The following CSMD1 variants were observed in gnomAD, a reference collection of about 807,000 sequenced individuals.
The protein encoded by CSMD1 is CUB and sushi domain-containing protein 1.
CSMD1 carries 213 observed loss-of-function variants against 417.5 expected under a neutral mutation model. The ratio of observed to expected loss-of-function variants is 0.51; its 90% CI spans 0.46 to 0.57. CSMD1 has a LOEUF of 0.57. Ranked by LOEUF, CSMD1 falls within the 20% of genes least tolerant of loss-of-function variation. The pLI is 0.00. For synonymous variants in CSMD1, 2,862 were observed against 1,736.8 expected (o/e 1.65, Z -16.11); for missense variants, 6,923 against 4,529.7 (o/e 1.53, Z -15.17).
At chr8:4,437,249 T>A (rs778317420) in intron 2 of CSMD1, among the ~76,000 whole-genome samples, 1 of 152,196 alleles carries the variant, frequency 6.6e-6, no homozygotes, top group Non-Finnish European at 1.5e-5. Context: ...GTTCTGAAAT[T>A]AGGCAGTAGA....
At chr8:4,026,770 T>A (rs999649076) in intron 4 of CSMD1, among the ~76,000 whole-genome samples, 1 of 152,188 alleles carries the variant, frequency 6.6e-6, no homozygotes, top group Non-Finnish European at 1.5e-5. Flanking sequence ...ATAACTAAAA[T>A]TTAGATTTAA....
At chr8:4,317,537 T>C (rs1292982041) in intron 3 of CSMD1, among the ~76,000 whole-genome samples, 1 of 152,178 alleles carries the variant, frequency 6.6e-6, no homozygotes, top group Non-Finnish European at 1.5e-5. Context: ...TGTTTCTTCA[T>C]TTTCCAGAGA....
chr8:4,194,381 G>C (rs561160394), intron 3 of CSMD1, among the ~76,000 whole-genome samples: 1 of 152,192 alleles, frequency 6.6e-6, no homozygotes, highest in African/African-American at 2.4e-5. Flanking sequence ...GCTCACATTG[G>C]CATCAGTCAT....
intron 5 of CSMD1, among the ~76,000 whole-genome samples, chr8:3,904,394 T>C (rs1487532787): frequency 6.6e-6 from 1 of 152,150 alleles, no homozygotes; most frequent in Non-Finnish European, 1.5e-5. Flanking sequence ...AACCTCTTTA[T>C]TGCAATGGAC....
At chr8:4,443,523 G>C (rs760195539) in intron 2 of CSMD1, among the ~76,000 whole-genome samples, 25 of 151,556 alleles carry the variant, frequency 1.6e-4, no homozygotes, top group Admixed American at 7.9e-4. Context: ...CCAGAATACA[G>C]TATAGAATTT....
intron 10 of CSMD1, among the ~76,000 whole-genome samples, chr8:3,518,879 T>A (rs1309065330): frequency 6.6e-6 from 1 of 152,176 alleles, no homozygotes. Context: ...CAGTCCTATT[T>A]ACAGTGAGTC....
intron 23 of CSMD1, among the ~76,000 whole-genome samples, chr8:3,339,853 T>C (rs1807526564): frequency 6.6e-6 from 1 of 152,186 alleles, no homozygotes; most frequent in South Asian, 2.1e-4. Context: ...CCATTGGACA[T>C]CATTATACAC....
intron 4 of CSMD1, among the ~76,000 whole-genome samples, chr8:4,016,979 C>T (rs1025390504): frequency 2.0e-5 from 3 of 152,046 alleles, no homozygotes; most frequent in African/African-American, 7.2e-5. Context: ...TGTCTAAAAC[C>T]CTGAAATCAC....
chr8:4,939,925 G>A (rs72624085), intron 1 of CSMD1, among the ~76,000 whole-genome samples: 1 of 151,848 alleles, frequency 6.6e-6, no homozygotes, highest in Non-Finnish European at 1.5e-5. Flanking sequence ...ATACAATTTT[G>A]ATTTGTCAAT....
chr8:4,326,217 C>A (rs1585237222), intron 3 of CSMD1, among the ~76,000 whole-genome samples: 1 of 152,150 alleles, frequency 6.6e-6, no homozygotes. Flanking sequence ...TTTGGGAACA[C>A]TGCTTTGAAA....
intron 5 of CSMD1, among the ~76,000 whole-genome samples, chr8:3,776,194 A>G (rs1301332257): frequency 6.6e-6 from 1 of 152,126 alleles, no homozygotes; most frequent in Non-Finnish European, 1.5e-5. Flanking sequence ...ATGTCTGACC[A>G]TCTCAGCACC....
At chr8:3,175,364 G>C (rs1820845274) in intron 37 of CSMD1, among the ~76,000 whole-genome samples, 1 of 152,044 alleles carries the variant, frequency 6.6e-6, no homozygotes, top group Non-Finnish European at 1.5e-5. Flanking sequence ...AGAATATATT[G>C]TAAATGTGAT....
chr8:4,801,017 A>G (rs551980747), intron 1 of CSMD1, among the ~76,000 whole-genome samples: 5 of 152,346 alleles, frequency 3.3e-5, no homozygotes, highest in African/African-American at 1.2e-4. Context: ...TGATGTCTTC[A>G]ATATCTTGGA....
At chr8:3,577,401 T>C (rs1283299011) in intron 9 of CSMD1, among the ~76,000 whole-genome samples, 1 of 152,088 alleles carries the variant, frequency 6.6e-6, no homozygotes, top group African/African-American at 2.4e-5. Flanking sequence ...AATTAACCCA[T>C]GTTTCTTTTT....
At chr8:3,185,639 G>C (rs369429877) in intron 36 of CSMD1, among the ~76,000 whole-genome samples, 69 of 152,308 alleles carry the variant, frequency 4.5e-4, no homozygotes, top group African/African-American at 1.6e-3. Context: ...TCGAGGGAAG[G>C]CTTAATATGA....
At chr8:4,810,126 G>C (rs1376768683) in intron 1 of CSMD1, among the ~76,000 whole-genome samples, 1 of 152,108 alleles carries the variant, frequency 6.6e-6, no homozygotes, top group African/African-American at 2.4e-5. Context: ...CTTAGTTAAG[G>C]ATTTAAGCCT....
chr8:4,670,678 T>A (rs941555207), intron 1 of CSMD1, among the ~76,000 whole-genome samples: 2 of 152,256 alleles, frequency 1.3e-5, no homozygotes, highest in South Asian at 4.1e-4. Flanking sequence ...AATATTACTA[T>A]GATAGGTTTG....
At chr8:4,322,515 G>C (rs1799327768) in intron 3 of CSMD1, among the ~76,000 whole-genome samples, 1 of 152,100 alleles carries the variant, frequency 6.6e-6, no homozygotes, top group Non-Finnish European at 1.5e-5. Flanking sequence ...TTCAGGGAAG[G>C]CTGTATAAAA....
chr8:4,018,054 T>G (rs958165274), intron 4 of CSMD1, among the ~76,000 whole-genome samples: 6 of 146,244 alleles, frequency 4.1e-5, no homozygotes, highest in South Asian at 2.1e-4. Flanking sequence ...GTCACTAGTG[T>G]GGGTATGTAT....
Sources: allele counts gnomAD v4.1 joint callset (sites outside exome capture counted in the v4.1 genomes callset), GRCh38; gene constraint gnomAD v4.1.1; transcripts MANE v1.5; gene names NCBI Gene and HGNC (gene_info 2026-07-23, HGNC 2026-07-21).